NACA: variants seen among roughly 807,000 people sequenced by gnomAD.
NACA encodes nascent polypeptide associated complex subunit alpha, also known as nascent polypeptide-associated complex subunit alpha.
Under a neutral mutation model 86.4 loss-of-function variants are expected in NACA, and 42 were observed. That is an observed-to-expected ratio of 0.49 (90% CI 0.38 to 0.63). NACA has a LOEUF of 0.63. Among genes scored for constraint, NACA ranks in the 20% least tolerant of loss-of-function variants. The pLI is 0.00. For missense variants in NACA, 2,157 were observed against 2,483.6 expected (o/e 0.87, Z 2.80); for synonymous variants, 898 against 973.7 (o/e 0.92, Z 1.45).
Position 56,719,405 on chromosome 12 carries a change from G to C in NACA, c.2125C>G (p.Pro709Ala). 1 of 1,612,054 alleles carries C rather than the reference G, an allele frequency of 6.2e-7. No homozygotes were observed. The highest frequency in any genetic ancestry group is 1.7e-5 in the Admixed American group (1 of 59,920). The part of the protein sequence containing the change: ...PLVPTASENC[P>A]VAPSPQNTCA... ...GTATTCTGGGGGGATGGAGCCACAG[G>C]GCAATTTTCTGAAGCTGTAGGAACC... Residue 709 changes from proline to alanine, a missense_variant, in exon 3 of 9, where the codon CCT (proline) becomes GCT (alanine). Around this residue, in one of 8 missense-constraint regions of NACA, gnomAD observed 947 missense variants for 917.9 expected, o/e 1.03. Coordinates refer to ENST00000454682, the MANE Select transcript of NACA (RefSeq NM_001365896.1).
rs749020893 is a variant in NACA at position 56,716,258 on chromosome 12, G to T, written c.5272C>A (p.Pro1758Thr). 3.1e-6 allele frequency: 5 copies of T among 1,613,684 alleles called. No homozygotes were observed. The South Asian group carries it at 4.4e-5, about 14-fold the overall frequency. ...TAKGKDASHSPKGPLAPPESK... is the reference protein window; with the variant it reads ...TAKGKDASHSTKGPLAPPESK... ...TCAGGAGGAGCCAAGGGGCCCTTTG[G>T]GGAATGAGAAGCATCTTTGCCTTTT... The change falls in exon 3 of 9, where the codon CCA (proline) becomes ACA (threonine). Residue 1758 changes from proline to threonine, a missense_variant. Physicochemically the swap from Pro to Thr is conservative, Grantham distance 38 (BLOSUM62 -1). Coordinates refer to ENST00000454682, the MANE Select transcript of NACA (RefSeq NM_001365896.1).
chr12:56,715,665 G>A (rs1565892747), intron 3 of NACA, among the ~76,000 whole-genome samples: 1 of 152,088 alleles, frequency 6.6e-6, no homozygotes, highest in East Asian at 1.9e-4. Context: ...AATGTACTAT[G>A]TATCTATCTG....
chr12:56,715,808 G>A, intron 3 of NACA, 63 bp downstream of exon 3: 1 of 1,403,728 alleles, frequency 7.1e-7, no homozygotes, highest in Non-Finnish European at 9.5e-7. Flanking sequence ...GTATTGGTGG[G>A]TAGCGCCCAA....
intron 8 of NACA, 76 bp from the exon 9 acceptor site, chr12:56,712,628 C>T: frequency 6.3e-7 from 1 of 1,597,654 alleles, no homozygotes; most frequent in South Asian, 1.1e-5. Flanking sequence ...CTCTTACAGG[C>T]AAATCAGGAG....
In NACA at chr12:56,718,738, G is replaced by A. The variant is rs1179014545; in HGVS notation, c.2792C>T (p.Pro931Leu). 6 of 1,444,884 alleles carry A rather than the reference G, an allele frequency of 4.2e-6. No homozygotes were observed. The highest frequency in any genetic ancestry group is 1.4e-5 in the African/African-American group (1 of 71,568). 89.5% of individuals were successfully genotyped at this position (1,444,884 alleles called of 1,614,324 possible). A position where few individuals can be genotyped will look rare whatever the true frequency, so the allele number is the denominator to read the frequency against. Residue 931 changes from proline to leucine, a missense_variant, in exon 3 of 9, where the codon CCA becomes CTA. Transcript: ENST00000454682. ...GGCCCCTTTGGGGGATGGGGAAGCTGGGATTCCTTTAGGGGCTGGAGTTGC... is the reference window on the plus strand; with the variant it reads ...GGCCCCTTTGGGGGATGGGGAAGCTAGGATTCCTTTAGGGGCTGGAGTTGC... ...ARATPAPKGIPASPSPKGAPT... is the reference protein window; with the variant it reads ...ARATPAPKGILASPSPKGAPT...
At chr12:56,713,368 G>C (rs534010030) in intron 6 of NACA, 169 bp downstream of exon 6, 1 of 1,184,878 alleles carries the variant, frequency 8.4e-7, no homozygotes, top group African/African-American at 1.5e-5. Flanking sequence ...TCTCAACTAG[G>C]GGGTAGTTAG....
At position 56,717,469 on chromosome 12, in the gene NACA, G is replaced by A; in HGVS notation, c.4061C>T (p.Pro1354Leu). 1.5e-6 allele frequency: 2 copies of A among 1,379,052 alleles called. No homozygotes were observed. The highest frequency in any genetic ancestry group is 1.9e-6 in the Non-Finnish European group (2 of 1,040,112). 85.4% of individuals were successfully genotyped at this position (1,379,052 alleles called of 1,614,324 possible). A position where few individuals can be genotyped will look rare whatever the true frequency, so the allele number is the denominator to read the frequency against. Residue 1354 changes from proline to leucine, a missense_variant, in exon 3 of 9, where the codon CCC becomes CTC. Physicochemically the swap from Pro to Leu is moderately conservative, Grantham distance 98. Around this residue, in one of 8 missense-constraint regions of NACA, gnomAD observed 797 missense variants for 777.6 expected, o/e 1.02. Coordinates refer to ENST00000454682, the MANE Select transcript of NACA (RefSeq NM_001365896.1). ...AGTAGTTGGGCCTCCTTTAGAGGAG[G>A]GAGTTGTAGCTGGGAGAGTAGGGGT... ...KGTPTLPATT[P>L]SSKGGPTTPS...
intron 2 of NACA, 30 bp from the exon 3 acceptor site, chr12:56,721,489 G>C (rs760909810): frequency 1.4e-6 from 2 of 1,412,930 alleles, no homozygotes; most frequent in Non-Finnish European, 9.4e-7. Context: ...GATAAAGAAA[G>C]GGGGAGGGGG....
Position 56,719,158 on chromosome 12 carries a change from G to T in NACA, c.2372C>A (p.Ala791Asp). ...ASSKGTLTYL[A>D]DSPSPLGVSV... Reference sequence around the variant, plus strand: ...AACCCCTAAAGGAGATGGGGAATCAGCTAGGTAAGTCAGAGTTCCTTTGGA... The same window carrying T: ...AACCCCTAAAGGAGATGGGGAATCATCTAGGTAAGTCAGAGTTCCTTTGGA... Residue 791 changes from alanine to aspartate, a missense_variant, in exon 3 of 9, where the codon GCT (alanine) becomes GAT (aspartate). This residue lies in a region of NACA where 174 missense variants were observed against 217.0 expected (regional missense o/e 0.80). Transcript: ENST00000454682. 1 of 1,464,642 alleles carries T rather than the reference G, an allele frequency of 6.8e-7. No individual in the cohort carries two copies. 90.7% of individuals were successfully genotyped at this position (1,464,642 alleles called of 1,614,324 possible).
In NACA at chr12:56,724,539, A is replaced by C; in HGVS notation, c.-2-16T>G. 1 of 1,609,120 alleles carries C rather than the reference A, an allele frequency of 6.2e-7. No homozygotes were observed. ...CCGGGCATTTCTGAAGGAAGGGAAT[A>C]AAAAGGAGGCCTAAATTGATTGGGA... On this transcript the variant is annotated splice_polypyrimidine_tract_variant and intron_variant, in intron 1 of 8. Transcript: ENST00000454682.
intron 4 of NACA, 36 bp from the exon 5 acceptor site, chr12:56,714,475 C>G: frequency 6.2e-7 from 1 of 1,606,332 alleles, no homozygotes; most frequent in Non-Finnish European, 8.5e-7. Flanking sequence ...TAACCAGAAT[C>G]TAAGATCTGG....
chr12:56,724,120 C>T (rs975169819), intron 2 of NACA, among the ~76,000 whole-genome samples: 7 of 152,224 alleles, frequency 4.6e-5, no homozygotes, highest in Admixed American at 2.0e-4. Flanking sequence ...TGGCCTGTGT[C>T]ATCTAGTTCC....
At chr12:56,723,036 G>A (rs1290096213) in intron 2 of NACA, among the ~76,000 whole-genome samples, 1 of 152,164 alleles carries the variant, frequency 6.6e-6, no homozygotes, top group Non-Finnish European at 1.5e-5. Context: ...AAAGTCTAAC[G>A]ATTACAGGAA....
In NACA at chr12:56,721,382, A is replaced by G; in HGVS notation, c.148T>C (p.Ser50Pro). 1.3e-6 allele frequency: 2 copies of G among 1,577,996 alleles called. No homozygotes were observed. Among genetic ancestry groups the G allele is most frequent in the Admixed American group, 1.9e-5 (1 of 53,422 alleles). The change falls in exon 3 of 9, where the codon TCT becomes CCT. Residue 50 changes from serine to proline, a missense_variant. Around this residue, in one of 8 missense-constraint regions of NACA, gnomAD observed 947 missense variants for 917.9 expected, o/e 1.03. Coordinates refer to ENST00000454682, the MANE Select transcript of NACA (RefSeq NM_001365896.1). ...AGAGGGCACTGTTGTGGGGCAGGAG[A>G]GCAAGGAGGGGGGAGGGTAGGTCCA... ...QPGPTLPPPCSPAPQQCPLSA... is the reference protein window; with the variant it reads ...QPGPTLPPPCPPAPQQCPLSA...
In NACA at chr12:56,720,426, A is replaced by G. The variant is rs1953539729; in HGVS notation, c.1104T>C (p.Pro368=). The G allele has an allele frequency of 6.2e-7, 1 of 1,613,748 alleles. No homozygotes were observed. Among genetic ancestry groups the G allele is most frequent in the African/African-American group, 1.3e-5 (1 of 74,932 alleles). The change falls in exon 3 of 9, where the codon CCT becomes CCC. Residue 368 remains proline, a synonymous_variant. Coordinates refer to ENST00000454682, the MANE Select transcript of NACA (RefSeq NM_001365896.1). ...PPLPSRNEVV[P]ATVAAFPVVA... ...CCACTGGAAAGGCAGCCACAGTAGC[A>G]GGAACTACCTCATTTCTGGAAGGAA... is the stretch of plus-strand genomic sequence containing the variant.
intron 2 of NACA, among the ~76,000 whole-genome samples, chr12:56,723,754 T>A (rs186324721): frequency 1.7e-4 from 26 of 152,348 alleles, no homozygotes; most frequent in African/African-American, 5.8e-4. Flanking sequence ...AGAAAGGCTA[T>A]CATTTTAAGA....
At chr12:56,715,827 T>C (rs755739732) in intron 3 of NACA, 44 bp downstream of exon 3, 2 of 1,470,840 alleles carry the variant, frequency 1.4e-6, no homozygotes, top group Admixed American at 4.6e-5. Flanking sequence ...AAGAGGGGTG[T>C]GGACGACAGA....
chr12:56,720,006 A>C lies in NACA; in HGVS notation c.1524T>G (p.Pro508=). 6.2e-7 allele frequency: 1 copy of C among 1,613,858 alleles called. No homozygotes were observed. The highest frequency in any genetic ancestry group is 1.3e-5 in the African/African-American group (1 of 74,988). Residue 508 remains proline, a synonymous_variant, in exon 3 of 9, where the codon CCT becomes CCG. Transcript: ENST00000454682. ...TTTTGAGGTCTTCAGGGTCTGGCAG[A>C]GGAGGAGAGACTGGTATCCTCAGAG... ...ATTLRIPVSP[P]LPDPEDLKNL...
Position 56,724,514 on chromosome 12 carries a change from C to T in NACA, c.8G>A (p.Gly3Asp), listed in dbSNP as rs1181426563. The change falls in exon 2 of 9, where the codon GGC becomes GAC. Residue 3 changes from glycine to aspartate, a missense_variant. Physicochemically the swap from Gly to Asp is moderately conservative, Grantham distance 94 (BLOSUM62 -1). Around this residue, in one of 8 missense-constraint regions of NACA, gnomAD observed 947 missense variants for 917.9 expected, o/e 1.03. Coordinates refer to ENST00000454682, the MANE Select transcript of NACA (RefSeq NM_001365896.1). MP[G>D]EATETVPATE... is the part of the protein sequence containing the mutation. Reference sequence around the variant, plus strand: ...AGCAGGGACGGTTTCTGTGGCTTCGCCGGGCATTTCTGAAGGAAGGGAATA... The same window carrying T: ...AGCAGGGACGGTTTCTGTGGCTTCGTCGGGCATTTCTGAAGGAAGGGAATA... The T allele has an allele frequency of 6.2e-7, 1 of 1,612,040 alleles. No homozygotes were observed. Among genetic ancestry groups the T allele is most frequent in the Non-Finnish European group, 8.5e-7 (1 of 1,179,242 alleles).
Sources: allele counts gnomAD v4.1 joint callset (sites outside exome capture counted in the v4.1 genomes callset), GRCh38; gene constraint gnomAD v4.1.1; regional missense constraint gnomAD v4.1.1; transcripts MANE v1.5; gene names NCBI Gene and HGNC (gene_info 2026-07-23, HGNC 2026-07-21).